The following SYNGR1 variants were observed in gnomAD, a reference collection of about 807,000 sequenced individuals.
SYNGR1 encodes synaptogyrin 1.
Under a neutral mutation model 26.1 loss-of-function variants are expected in SYNGR1, and 14 were observed. The observed-to-expected ratio is 0.54, with a 90% confidence interval of 0.35 to 0.84. The LOEUF (loss-of-function observed/expected upper bound fraction) is 0.84. Among genes scored for constraint, SYNGR1 ranks in the 40% least tolerant of loss-of-function variants. The pLI is 0.01. For synonymous variants in SYNGR1, 141 were observed against 150.1 expected, an observed-to-expected ratio of 0.94 and a Z score of 0.44; for missense variants, 319 against 332.9, an observed-to-expected ratio of 0.96 and a Z score of 0.33.
Position 39,376,157 on chromosome 22 carries a change from G to T in SYNGR1, c.443G>T (p.Arg148Leu), listed in dbSNP as rs766039979. 2.5e-6 allele frequency: 4 copies of T among 1,614,178 alleles called. No individual in the cohort carries two copies. In the South Asian group the frequency reaches 3.3e-5, roughly 13 times the overall value. ...CTGAACGAAGGGACGGACGCAGCCC[G>T]GGCCGCCATCGCCTTCTCCTTTTTC... ...NPLNEGTDAARAAIAFSFFSI... is the reference protein window; with the variant it reads ...NPLNEGTDAALAAIAFSFFSI... Residue 148 changes from arginine (R) to leucine (L), a missense_variant, in exon 3 of 4, where the codon CGG becomes CTG. By Grantham distance (102) the Arg-to-Leu change is moderately radical (BLOSUM62 -2). Transcript: ENST00000328933.
At position 39,385,012 on chromosome 22, in the gene SYNGR1, G is replaced by A. The variant is rs1925614778; in HGVS notation, c.*3098G>A. On this transcript the variant is annotated 3_prime_UTR_variant, in exon 4 of 4. Coordinates refer to ENST00000328933, the MANE Select transcript of SYNGR1 (RefSeq NM_004711.5). The stretch of plus-strand genomic sequence containing the variant: ...GCTAATTCCCAGGGGACTGACGTTA[G>A]TTCCCTACTCCATCCTTCCCTGGTG... The A allele has an allele frequency of 7.5e-6, 3 of 398,736 alleles. No homozygotes were observed. The highest frequency in any genetic ancestry group is 1.3e-5 in the Non-Finnish European group (3 of 226,136). The allele number at this position is 398,736 out of a possible 1,614,324, so 24.7% of individuals were successfully genotyped here. A position where few individuals can be genotyped will look rare whatever the true frequency, so the allele number is the denominator to read the frequency against.
chr22:39,377,069 C>G, intron 3 of SYNGR1: 1 of 1,550,824 alleles, frequency 6.4e-7, no homozygotes. Flanking sequence ...TCCCCATAAC[C>G]CACAGCTGCC....
intron 3 of SYNGR1, chr22:39,377,298 G>A (rs1166468913): frequency 4.1e-6 from 4 of 985,430 alleles, no homozygotes; most frequent in East Asian, 2.3e-4. Context: ...GAGACCCGTG[G>A]TTCAGGCCCT....
chr22:39,350,874 GATGCCCAAGGCGGGTGTCTGGGAGA>G lies in SYNGR1; in HGVS notation c.99+767_99+791del, dbSNP rs1486006797. Among the ~76,000 whole-genome samples the G allele has an allele frequency of 6.6e-6, 1 of 152,196 alleles. No homozygotes were observed. Among genetic ancestry groups the G allele is most frequent in the Non-Finnish European group, 1.5e-5 (1 of 68,028 alleles). On this transcript the variant is annotated intron_variant, in intron 1 of 3. Transcript: ENST00000328933. The surrounding 1 kb of genome is among the most constrained non-coding windows in gnomAD (Gnocchi z 4.3). The stretch of plus-strand genomic sequence containing the variant: ...ACCCCTCCCACTCAGCATGCACCTG[GATGCCCAAGGCGGGTGTCTGGGAGA>G]AAGGTCTGCTCCCACAGTGAAGAGG...
chr22:39,381,713 G>A lies in SYNGR1; in HGVS notation c.501G>A (p.Leu167=). The change falls in exon 4 of 4, where the codon CTG becomes CTA. Residue 167 remains leucine (L), a synonymous_variant. Transcript: ENST00000328933. ...GTCCCCAGGCGGGCCAGGCTGTGCT[G>A]GCCTTCCAGCGGTACCAGATTGGCG... The part of the protein sequence containing the change: ...SIFTWAGQAV[L]AFQRYQIGAD... 2 of 1,613,332 alleles carry A rather than the reference G, an allele frequency of 1.2e-6. No individual in the cohort carries two copies. Among genetic ancestry groups the A allele is most frequent in the Non-Finnish European group, 1.7e-6 (2 of 1,179,988 alleles).
intron 1 of SYNGR1, among the ~76,000 whole-genome samples, chr22:39,359,563 G>A (rs149739938): frequency 0.046 from 6,969 of 150,302 alleles, 232 homozygotes; most frequent in African/African-American, 0.079. Context: ...CCTGGGAGGC[G>A]GAGCTTGCAG....
chr22:39,365,973 C>A (rs907415184), intron 1 of SYNGR1, among the ~76,000 whole-genome samples: 1 of 134,782 alleles, frequency 7.4e-6, no homozygotes, highest in African/African-American at 2.6e-5. Flanking sequence ...CGTGAGCCAC[C>A]GCGCTCAGCC....
intron 1 of SYNGR1, among the ~76,000 whole-genome samples, chr22:39,355,973 T>G (rs190177705): frequency 1.5e-4 from 23 of 152,218 alleles, no homozygotes; most frequent in Non-Finnish European, 2.2e-4. Context: ...GAGCCGAGAT[T>G]GCGCCATCGC....
chr22:39,357,536 G>A (rs1924200094), intron 1 of SYNGR1, among the ~76,000 whole-genome samples: 1 of 152,226 alleles, frequency 6.6e-6, no homozygotes, highest in Non-Finnish European at 1.5e-5. Flanking sequence ...GAGGTGTGGA[G>A]GGAGAGGCGC....
Position 39,381,737 on chromosome 22 carries a change from C to A in SYNGR1, c.525C>A (p.Gly175=), listed in dbSNP as rs778322702. The A allele has an allele frequency of 6.2e-7, 1 of 1,613,426 alleles. No homozygotes were observed. The highest frequency in any genetic ancestry group is 8.5e-7 in the Non-Finnish European group (1 of 1,180,000). The part of the protein sequence containing the change: ...AVLAFQRYQI[G]ADSALFSQDY... ...TGGCCTTCCAGCGGTACCAGATTGGCGCCGACTCGGCCCTCTTCTCCCAGG... is the reference window on the plus strand; with the variant it reads ...TGGCCTTCCAGCGGTACCAGATTGGAGCCGACTCGGCCCTCTTCTCCCAGG... The change falls in exon 4 of 4, where the codon GGC becomes GGA. Residue 175 remains glycine, a synonymous_variant. Coordinates refer to ENST00000328933, the MANE Select transcript of SYNGR1 (RefSeq NM_004711.5).
intron 1 of SYNGR1, among the ~76,000 whole-genome samples, chr22:39,365,988 C>CTTTTTCTTTTTTTTTTTTT (rs1924735501): frequency 1.5e-5 from 1 of 68,384 alleles, no homozygotes; most frequent in Non-Finnish European, 2.7e-5. Context: ...TCAGCCCCTT[C>CTTTTTCTTTTTTTTTTTTT]TTTTTTTTTT....
intron 1 of SYNGR1, among the ~76,000 whole-genome samples, chr22:39,366,631 G>A (rs1924771899): frequency 6.6e-6 from 1 of 152,056 alleles, no homozygotes; most frequent in African/African-American, 2.4e-5. Context: ...GGGCAACAGA[G>A]CGAGACTCCA....
At chr22:39,362,172 C>A (rs771422476) in intron 1 of SYNGR1, among the ~76,000 whole-genome samples, 1 of 152,040 alleles carries the variant, frequency 6.6e-6, no homozygotes, top group Non-Finnish European at 1.5e-5. Flanking sequence ...TCTTGAGGCT[C>A]CAAGGCCCCC....
Position 39,385,490 on chromosome 22 carries a change from C to T in SYNGR1, c.*3576C>T, listed in dbSNP as rs1867411630. The T allele has an allele frequency of 6.5e-6, 1 of 152,730 alleles. No individual in the cohort carries two copies. The highest frequency in any genetic ancestry group is 6.5e-5 in the Admixed American group (1 of 15,270). 9.5% of individuals were successfully genotyped at this position (152,730 alleles called of 1,614,324 possible). On this transcript the variant is annotated 3_prime_UTR_variant, in exon 4 of 4. Transcript: ENST00000328933. ...AATCCAGTGGCCCCGTGGCACCCTC[C>T]TTTATGACATCCATCCATCTGTGGT... is the stretch of plus-strand genomic sequence containing the variant.
intron 1 of SYNGR1, chr22:39,364,135 C>T (rs1924619733): frequency 6.2e-7 from 1 of 1,610,314 alleles, no homozygotes; most frequent in Non-Finnish European, 8.5e-7. Flanking sequence ...TAAAGTGGGC[C>T]TGTGCCCTTT....
rs1321967751 is a variant in SYNGR1, at chr22:39,357,634, GCCGGCCAGCCC to G, written c.99+7526_99+7536del. ...CTTGGCGGGCCCCGCCCTCGGAGCA[GCCGGCCAGCCC>G]TGCTGGCCCCGGACCCGGGCGTGGG... On this transcript the variant is annotated intron_variant, in intron 1 of 3. Coordinates refer to ENST00000328933, the MANE Select transcript of SYNGR1 (RefSeq NM_004711.5). Among the ~76,000 whole-genome samples, 135 of 70,880 alleles carry G rather than the reference GCCGGCCAGCCC, an allele frequency of 1.9e-3. 3 individuals carry two copies. Among genetic ancestry groups the G allele is most frequent in the Non-Finnish European group, 1.2e-3 (46 of 37,094 alleles). The allele number at this position is 70,880 out of a possible 152,430, so 46.5% of individuals were successfully genotyped here. A position where few individuals can be genotyped will look rare whatever the true frequency, so the allele number is the denominator to read the frequency against.
chr22:39,355,389 T>C (rs137705), intron 1 of SYNGR1, among the ~76,000 whole-genome samples: 90,429 of 151,756 alleles, frequency 0.6, 29,495 homozygotes, highest in East Asian at 0.99. Context: ...CCACGGCCCT[T>C]GTTTGTTATT....
At chr22:39,361,850 C>T (rs1924487473) in intron 1 of SYNGR1, among the ~76,000 whole-genome samples, 1 of 152,120 alleles carries the variant, frequency 6.6e-6, no homozygotes, top group African/African-American at 2.4e-5. Context: ...TCTCCCACCT[C>T]TTCCCTGCCT....
At position 39,350,434 on chromosome 22, in the gene SYNGR1, T is replaced by C. The variant is rs1923850131; in HGVS notation, c.99+325T>C. ...GCGGCTATGCCGCGAAAGGCTCGGA[T>C]TGTGCGCGGCCGCCAGGGCGGACTG... On this transcript the variant is annotated intron_variant, in intron 1 of 3. Transcript: ENST00000328933. This position sits in a 1 kb window ranked among gnomAD's most constrained non-coding sequence, Gnocchi z 4.3. Among the ~76,000 whole-genome samples, 1 of 152,008 alleles carries C rather than the reference T, an allele frequency of 6.6e-6. No homozygotes were observed. Among genetic ancestry groups the C allele is most frequent in the African/African-American group, 2.4e-5 (1 of 41,404 alleles).
Sources: allele counts gnomAD v4.1 joint callset (sites outside exome capture counted in the v4.1 genomes callset), GRCh38; gene constraint gnomAD v4.1.1; non-coding constraint Gnocchi (gnomAD v3.1); transcripts MANE v1.5; gene names NCBI Gene and HGNC (gene_info 2026-07-23, HGNC 2026-07-21).